Variants in GPR39 observed in about 807,000 individuals in gnomAD.
GPR39 encodes the protein G protein-coupled receptor 39.
Under a neutral mutation model 18.4 loss-of-function variants are expected in GPR39, and 23 were observed. The ratio of observed to expected loss-of-function variants is 1.25; its 90% CI spans 0.90 to 1.77. The LOEUF is 1.77. Ranked by LOEUF, GPR39 falls within the 40% of genes most tolerant of loss-of-function variation. The probability of loss-of-function intolerance (pLI) is 0.00; values close to 1 mark genes in which losing one functional copy is unlikely to be tolerated. For synonymous variants in GPR39, 280 were observed against 257.9 expected (o/e 1.09, Z -0.82); for missense variants, 647 against 602.4 (o/e 1.07, Z -0.78).
At chr2:132,525,524 A>G (rs1370681737) in intron 1 of GPR39, among the ~76,000 whole-genome samples, 3 of 152,156 alleles carry the variant, frequency 2.0e-5, no homozygotes, top group African/African-American at 7.2e-5. Context: ...GGCCTGATTT[A>G]CCTTTTATGC....
intron 1 of GPR39, among the ~76,000 whole-genome samples, chr2:132,590,818 CGTGTGTGTGTGTGTGT>C (rs3066458): frequency 6.9e-6 from 1 of 143,900 alleles, no homozygotes; most frequent in Non-Finnish European, 1.5e-5. Context: ...AAGTATTGTT[CGTGTGTGTGTGTGTGT>C]GTGTGTGTGT....
intron 1 of GPR39, among the ~76,000 whole-genome samples, chr2:132,469,696 G>T (rs1178587117): frequency 1.3e-5 from 2 of 152,188 alleles, no homozygotes; most frequent in South Asian, 2.1e-4. Flanking sequence ...CGCAGGGAGG[G>T]TCTCAATCCA....
chr2:132,493,091 TATAC>T (rs369778556), intron 1 of GPR39, among the ~76,000 whole-genome samples: 108 of 61,574 alleles, frequency 1.8e-3, no homozygotes, highest in South Asian at 8.2e-3. Flanking sequence ...ATACCATATA[TATAC>T]ACCATATATA....
At chr2:132,572,915 C>A (rs1680465636) in intron 1 of GPR39, among the ~76,000 whole-genome samples, 1 of 152,164 alleles carries the variant, frequency 6.6e-6, no homozygotes, top group Admixed American at 6.5e-5. Flanking sequence ...TGGTCACATG[C>A]CCATCTGTGG....
intron 1 of GPR39, among the ~76,000 whole-genome samples, chr2:132,485,449 A>G (rs1681314065): frequency 6.6e-6 from 1 of 152,214 alleles, no homozygotes; most frequent in African/African-American, 2.4e-5. Context: ...CTCTATAGCA[A>G]GCAATACTGT....
chr2:132,578,305 T>C (rs1414122610), intron 1 of GPR39, among the ~76,000 whole-genome samples: 1 of 152,158 alleles, frequency 6.6e-6, no homozygotes, highest in Non-Finnish European at 1.5e-5. Flanking sequence ...GTTAAAGAAC[T>C]TTATATACAC....
At chr2:132,501,392 G>A (rs534715567) in intron 1 of GPR39, among the ~76,000 whole-genome samples, 1 of 152,208 alleles carries the variant, frequency 6.6e-6, no homozygotes, top group Admixed American at 6.5e-5. Context: ...GCTTTTGAGA[G>A]TTCCTTTTAG....
intron 1 of GPR39, among the ~76,000 whole-genome samples, chr2:132,531,007 T>C (rs915143578): frequency 6.6e-6 from 1 of 152,206 alleles, no homozygotes; most frequent in African/African-American, 2.4e-5. Context: ...ATAACAATAT[T>C]AACCTTAAAT....
chr2:132,567,912 G>A (rs901145300), intron 1 of GPR39, among the ~76,000 whole-genome samples: 1 of 152,070 alleles, frequency 6.6e-6, no homozygotes, highest in Admixed American at 6.5e-5. Context: ...CTTGTCTGCC[G>A]CTATGTGAGA....
chr2:132,432,082 C>G (rs921601748), intron 1 of GPR39, among the ~76,000 whole-genome samples: 2 of 152,136 alleles, frequency 1.3e-5, no homozygotes, highest in Non-Finnish European at 2.9e-5. Flanking sequence ...GCTCTGTCTT[C>G]AAGTCATCTT....
At chr2:132,481,575 G>A (rs1044235478) in intron 1 of GPR39, among the ~76,000 whole-genome samples, 1 of 152,166 alleles carries the variant, frequency 6.6e-6, no homozygotes, top group Non-Finnish European at 1.5e-5. Flanking sequence ...ACTGATATTT[G>A]TGAGCAAATG....
intron 1 of GPR39, among the ~76,000 whole-genome samples, chr2:132,454,976 C>T (rs1353687550): frequency 6.6e-6 from 1 of 152,126 alleles, no homozygotes; most frequent in Non-Finnish European, 1.5e-5. Context: ...CCTTTGGTAT[C>T]AGGATGATGT....
At chr2:132,555,675 A>G (rs186011786) in intron 1 of GPR39, among the ~76,000 whole-genome samples, 198 of 152,170 alleles carry the variant, frequency 1.3e-3, no homozygotes, top group South Asian at 2.9e-3. Flanking sequence ...CATATAGACC[A>G]CCAGTGATTC....
intron 1 of GPR39, among the ~76,000 whole-genome samples, chr2:132,440,092 T>A (rs1442120884): frequency 3.3e-5 from 5 of 152,136 alleles, no homozygotes; most frequent in African/African-American, 1.2e-4. Flanking sequence ...GGTAGGTGAC[T>A]CCCTGAAGCT....
intron 1 of GPR39, among the ~76,000 whole-genome samples, chr2:132,525,123 C>T (rs1679485761): frequency 6.6e-6 from 1 of 152,212 alleles, no homozygotes; most frequent in African/African-American, 2.4e-5. Flanking sequence ...AAATGCCACA[C>T]CTCCCATGAA....
intron 1 of GPR39, among the ~76,000 whole-genome samples, chr2:132,633,818 A>G (rs192885851): frequency 6.6e-6 from 1 of 152,070 alleles, no homozygotes; most frequent in East Asian, 1.9e-4. Flanking sequence ...TGTAGCAGTG[A>G]TGTTGGTAGA....
At chr2:132,573,154 C>A (rs940508981) in intron 1 of GPR39, among the ~76,000 whole-genome samples, 1 of 152,152 alleles carries the variant, frequency 6.6e-6, no homozygotes, top group East Asian at 1.9e-4. Context: ...TGCTCAGAGG[C>A]AGGTCTGAAA....
At chr2:132,437,556 C>T (rs756636173) in intron 1 of GPR39, among the ~76,000 whole-genome samples, 19 of 152,140 alleles carry the variant, frequency 1.2e-4, no homozygotes, top group Non-Finnish European at 2.2e-4. Context: ...GGTTGGCGGG[C>T]AGAGGCTGCC....
chr2:132,428,243 C>T lies in GPR39; in HGVS notation c.856+10345C>T, dbSNP rs576208274. On this transcript the variant is annotated intron_variant, in intron 1 of 1. Transcript: ENST00000329321. ...TTCTCTCATTATTCCAGCAGATCTT[C>T]ACATTTCATTTGTTTGTTCATTCAT... Among the ~76,000 whole-genome samples the T allele has an allele frequency of 2.6e-5, 4 of 152,288 alleles. No individual in the cohort carries two copies. In the South Asian group the frequency reaches 8.3e-4, roughly 32 times the overall value.
Sources: gnomAD v4.1 joint callset for allele counts (sites outside exome capture counted in the v4.1 genomes callset) on GRCh38, gnomAD v4.1.1 for gene constraint, MANE v1.5 for transcripts, NCBI Gene and HGNC (gene_info 2026-07-23, HGNC 2026-07-21) for gene names.